Variants in MIPEP observed in about 807,000 individuals in gnomAD.
MIPEP encodes the protein mitochondrial intermediate peptidase.
In MIPEP, 79 loss-of-function variants were observed where a neutral mutation model predicts 90.3. The ratio of observed to expected loss-of-function variants is 0.87; its 90% confidence interval spans 0.73 to 1.05. The LOEUF is 1.05. Ranked by LOEUF, MIPEP falls within the 50% of genes least tolerant of loss-of-function variation. MIPEP has a pLI of 0.00. For synonymous variants in MIPEP, 334 were observed against 315.8 expected, an observed-to-expected ratio of 1.06 and a Z score of -0.61; for missense variants, 940 against 905.6, an observed-to-expected ratio of 1.04 and a Z score of -0.49.
intron 9 of MIPEP, 101 bp from the exon 10 acceptor site, chr13:23,859,013 T>C: frequency 1.1e-6 from 1 of 910,360 alleles, no homozygotes; most frequent in Non-Finnish European, 1.8e-6. Flanking sequence ...CTACTGTTCA[T>C]GTAAATCAGA....
At chr13:23,780,496 G>A (rs1016699855) in intron 16 of MIPEP, among the ~76,000 whole-genome samples, 6 of 152,156 alleles carry the variant, frequency 3.9e-5, no homozygotes, top group African/African-American at 1.4e-4. Flanking sequence ...AAACCACAAA[G>A]ATGAGGAAAA....
chr13:23,842,806 C>A (rs1319570230), intron 10 of MIPEP, among the ~76,000 whole-genome samples: 1 of 152,042 alleles, frequency 6.6e-6, no homozygotes, highest in African/African-American at 2.4e-5. Flanking sequence ...GGATAGGAAT[C>A]AAGAAAGAAT....
At chr13:23,786,900 C>A (rs896953337) in intron 16 of MIPEP, among the ~76,000 whole-genome samples, 1 of 152,102 alleles carries the variant, frequency 6.6e-6, no homozygotes, top group African/African-American at 2.4e-5. Context: ...GTTATGCAGA[C>A]CTTCTATAAT....
chr13:23,809,950 G>C, intron 14 of MIPEP, 26 bp from the exon 15 acceptor site: 2 of 1,485,816 alleles, frequency 1.3e-6, no homozygotes, highest in Non-Finnish European at 9.4e-7. Flanking sequence ...GAATATATAT[G>C]TGAGTAAACT....
intron 3 of MIPEP, among the ~76,000 whole-genome samples, 153 bp downstream of exon 3, chr13:23,881,546 C>T (rs111641833): frequency 2.6e-5 from 4 of 152,246 alleles, no homozygotes; most frequent in Non-Finnish European, 5.9e-5. Context: ...ATGGCCTGTC[C>T]TGAGCCCTCC....
chr13:23,889,295 C>A lies in MIPEP; in HGVS notation c.26G>T (p.Gly9Val). ...CAGAGCTGCTGCTCTGGCTCCCAAG[C>A]CGCCCAGCCTTCCGACGCACAGCAT... MLCVGRLG[G>V]LGARAAALPP... The change falls in exon 1 of 19, where the codon GGC becomes GTC. Residue 9 changes from glycine (G) to valine (V), a missense_variant. Transcript: ENST00000382172. The A allele has an allele frequency of 7.4e-7, 1 of 1,358,292 alleles. No homozygotes were observed. The highest frequency in any genetic ancestry group is 3.1e-5 in the East Asian group (1 of 32,160). The allele number at this position is 1,358,292 out of a possible 1,614,324, so 84.1% of individuals were successfully genotyped here.
At chr13:23,803,771 A>G (rs1413727106) in intron 16 of MIPEP, among the ~76,000 whole-genome samples, 1 of 152,244 alleles carries the variant, frequency 6.6e-6, no homozygotes, top group Non-Finnish European at 1.5e-5. Context: ...AGGCTTGATG[A>G]ATGCATTGAC....
At chr13:23,857,412 A>G (rs1566019426) in intron 10 of MIPEP, among the ~76,000 whole-genome samples, 1 of 152,150 alleles carries the variant, frequency 6.6e-6, no homozygotes, top group Non-Finnish European at 1.5e-5. Flanking sequence ...CTACAAAAAA[A>G]TTTAAAAATC....
intron 14 of MIPEP, among the ~76,000 whole-genome samples, chr13:23,814,154 A>C (rs1459491647): frequency 6.6e-6 from 1 of 152,258 alleles, no homozygotes. Flanking sequence ...ATAATTTCCA[A>C]GGCAGAAAAT....
At chr13:23,731,510 C>T (rs1403431795) in intron 18 of MIPEP, among the ~76,000 whole-genome samples, 3 of 152,132 alleles carry the variant, frequency 2.0e-5, no homozygotes, top group African/African-American at 7.2e-5. Context: ...GAGATGGTCA[C>T]AGACCTAAGT....
At position 23,841,431 on chromosome 13, in the gene MIPEP, T is replaced by C. The variant is rs140282417; in HGVS notation, c.1164A>G (p.Glu388=). Residue 388 remains glutamate, a synonymous_variant, in exon 11 of 19, where the codon GAA becomes GAG. Transcript: ENST00000382172. ...CPFFSLGACM[E]GLNILLNRLL... ...GTCTGTTAAGCAAAATATTCAGGCC[T>C]TCCATGCATGCTCCAAGAGAGAAAA... 1.9e-6 allele frequency: 3 copies of C among 1,613,856 alleles called. No homozygotes were observed. The highest frequency in any genetic ancestry group is 1.3e-5 in the African/African-American group (1 of 74,894).
At chr13:23,768,649 T>C (rs549210069) in intron 16 of MIPEP, among the ~76,000 whole-genome samples, 2 of 152,214 alleles carry the variant, frequency 1.3e-5, no homozygotes, top group South Asian at 4.2e-4. Flanking sequence ...GTAAGAAGGA[T>C]CACCTGAGCC....
At chr13:23,888,209 A>G (rs1450840652) in intron 1 of MIPEP, 8 of 378,616 alleles carry the variant, frequency 2.1e-5, no homozygotes, top group Non-Finnish European at 3.6e-5. Flanking sequence ...GTCTCTTCAC[A>G]CCAACTATGT....
chr13:23,740,970 G>A (rs899552075), intron 18 of MIPEP, among the ~76,000 whole-genome samples: 1 of 152,248 alleles, frequency 6.6e-6, no homozygotes, highest in South Asian at 2.1e-4. Flanking sequence ...GCCCAGGAGA[G>A]GGGAGGTCTG....
At chr13:23,843,233 G>A (rs1392161182) in intron 10 of MIPEP, among the ~76,000 whole-genome samples, 1 of 152,110 alleles carries the variant, frequency 6.6e-6, no homozygotes, top group Non-Finnish European at 1.5e-5. Context: ...AAAATAGCCT[G>A]GTAACTTCTA....
intron 18 of MIPEP, 119 bp from the exon 19 acceptor site, chr13:23,730,564 T>G (rs1952194073): frequency 6.0e-6 from 4 of 669,502 alleles, no homozygotes; most frequent in Non-Finnish European, 1.1e-5. Context: ...AGACTCTGGC[T>G]GTATAACCTG....
intron 16 of MIPEP, among the ~76,000 whole-genome samples, chr13:23,766,392 A>C (rs1952591365): frequency 6.6e-6 from 1 of 152,254 alleles, no homozygotes; most frequent in Non-Finnish European, 1.5e-5. Flanking sequence ...AATCAGGATA[A>C]CAAGGCAGGA....
At chr13:23,743,085 G>C (rs1227883568) in intron 18 of MIPEP, among the ~76,000 whole-genome samples, 2 of 152,132 alleles carry the variant, frequency 1.3e-5, no homozygotes, top group African/African-American at 4.8e-5. Context: ...CAATAACTTG[G>C]ATGTACCAAA....
chr13:23,780,840 A>T (rs1952774061), intron 16 of MIPEP, among the ~76,000 whole-genome samples: 1 of 152,232 alleles, frequency 6.6e-6, no homozygotes, highest in Non-Finnish European at 1.5e-5. Flanking sequence ...GATCAACTGG[A>T]AGAAAGGGTA....
Sources: allele counts gnomAD v4.1 joint callset (sites outside exome capture counted in the v4.1 genomes callset), GRCh38; gene constraint gnomAD v4.1.1; transcripts MANE v1.5; gene names NCBI Gene and HGNC (gene_info 2026-07-23, HGNC 2026-07-21).